MAPDA: variants seen among roughly 807,000 people sequenced by gnomAD.
MAPDA encodes N6,N6-dimethyl-AMP deaminase.
At chr15:43,347,007 A>G in the MAPDA span, 66 of 1,611,768 alleles carry the variant, frequency 4.1e-5, no homozygotes, top group Non-Finnish European at 2.5e-6. Context: ...TTTAACTTTT[A>G]TCTTTAAGGT....
the MAPDA span, chr15:43,330,421 G>C: frequency 6.4e-7 from 1 of 1,562,786 alleles, no homozygotes; most frequent in South Asian, 1.2e-5. Flanking sequence ...GGGAACGCTT[G>C]CTGAGGGCGC....
the MAPDA span, chr15:43,347,153 C>A: frequency 1.5e-6 from 2 of 1,374,164 alleles, no homozygotes; most frequent in South Asian, 1.2e-5. Context: ...ATAATAGGGT[C>A]ATTTGTAAGT....
chr15:43,332,878 T>C, the MAPDA span, among the ~76,000 whole-genome samples: 1 of 152,216 alleles, frequency 6.6e-6, no homozygotes, highest in Non-Finnish European at 1.5e-5. Flanking sequence ...GTTTGTTGCC[T>C]TCCGTCCCAG....
At chr15:43,331,046 A>G in the MAPDA span, among the ~76,000 whole-genome samples, 1 of 152,260 alleles carries the variant, frequency 6.6e-6, no homozygotes, top group Admixed American at 6.5e-5. Context: ...TAAAACTTGA[A>G]AACAAGTCAC....
the MAPDA span, chr15:43,349,134 C>G: frequency 3.8e-6 from 6 of 1,578,066 alleles, no homozygotes; most frequent in South Asian, 1.2e-5. Flanking sequence ...AAGTACTGTT[C>G]TAAAAGTACG....
the MAPDA span, among the ~76,000 whole-genome samples, chr15:43,344,550 T>C: frequency 1.3e-5 from 2 of 152,152 alleles, no homozygotes; most frequent in African/African-American, 2.4e-5. Flanking sequence ...GGCTCATGCC[T>C]GTAATCCCAG....
the MAPDA span, among the ~76,000 whole-genome samples, chr15:43,341,339 T>C: frequency 2.2e-4 from 33 of 152,176 alleles, no homozygotes; most frequent in Non-Finnish European, 4.0e-4. Context: ...AGCCAACTCA[T>C]AGGGCTCTTT....
At chr15:43,342,338 C>T in the MAPDA span, among the ~76,000 whole-genome samples, 1 of 150,756 alleles carries the variant, frequency 6.6e-6, no homozygotes, top group Non-Finnish European at 1.5e-5. Flanking sequence ...CTTGGAAGAA[C>T]ATGCCTGGTT....
At chr15:43,335,659 T>G in the MAPDA span, 8 of 1,572,860 alleles carry the variant, frequency 5.1e-6, no homozygotes, top group Admixed American at 1.6e-4. Flanking sequence ...ATGAATCTAT[T>G]GGATATTTGA....
the MAPDA span, chr15:43,348,979 C>T: frequency 6.2e-7 from 1 of 1,614,192 alleles, no homozygotes; most frequent in South Asian, 1.1e-5. Flanking sequence ...TGGAACATTT[C>T]TCAACTCCGG....
At chr15:43,335,141 A>G in the MAPDA span, 2 of 1,614,032 alleles carry the variant, frequency 1.2e-6, no homozygotes, top group South Asian at 2.2e-5. Context: ...GCCTTGCAAG[A>G]CAGACTTCTA....
At chr15:43,345,995 C>G in the MAPDA span, 2 of 1,613,328 alleles carry the variant, frequency 1.2e-6, 1 homozygote, top group Middle Eastern at 3.3e-4. Flanking sequence ...GTTATTTTTC[C>G]TACGTACATT....
At chr15:43,347,999 A>G in the MAPDA span, among the ~76,000 whole-genome samples, 1 of 152,262 alleles carries the variant, frequency 6.6e-6, no homozygotes, top group Non-Finnish European at 1.5e-5. Flanking sequence ...ATTGGTCATT[A>G]TAAGGGAATA....
chr15:43,339,113 A>G, the MAPDA span, among the ~76,000 whole-genome samples: 17 of 152,316 alleles, frequency 1.1e-4, no homozygotes, highest in Non-Finnish European at 2.1e-4. Context: ...CCACAATTTC[A>G]TGGTGTCAGT....
the MAPDA span, chr15:43,349,115 A>G: frequency 2.5e-6 from 4 of 1,609,578 alleles, no homozygotes; most frequent in Non-Finnish European, 3.4e-6. Flanking sequence ...TTGCCTGGGG[A>G]TTACAGAGAA....
chr15:43,353,336 T>C, the MAPDA span: 2 of 152,218 alleles, frequency 1.3e-5, no homozygotes, highest in Non-Finnish European at 2.9e-5. Flanking sequence ...TATGCTTGAA[T>C]TGCTTTGCTC....
chr15:43,334,957 C>A, the MAPDA span: 1 of 578,174 alleles, frequency 1.7e-6, no homozygotes, highest in Non-Finnish European at 3.0e-6. Flanking sequence ...GAAGCTGAAC[C>A]CAGATCTACA....
chr15:43,345,974 C>T, the MAPDA span: 1 of 1,613,980 alleles, frequency 6.2e-7, no homozygotes, highest in Non-Finnish European at 8.5e-7. Flanking sequence ...TCAGTGGAGA[C>T]CCTACTGTAA....
the MAPDA span, among the ~76,000 whole-genome samples, chr15:43,331,674 T>C: frequency 6.6e-6 from 1 of 152,216 alleles, no homozygotes; most frequent in African/African-American, 2.4e-5. Context: ...AATTGAAAAG[T>C]GACATTTAGA....
Sources: gnomAD v4.1 joint callset for allele counts (sites outside exome capture counted in the v4.1 genomes callset) on GRCh38, gnomAD v4.1.1 for gene constraint, MANE v1.5 for transcripts, NCBI Gene and HGNC (gene_info 2026-07-23, HGNC 2026-07-21) for gene names.